Variants in TPR observed in about 807,000 individuals in gnomAD.
TPR encodes the protein translocated promoter region, nuclear basket protein.
A neutral mutation model predicts 316.1 loss-of-function variants in TPR; 51 were observed. The observed-to-expected ratio is 0.16, with a 90% CI of 0.13 to 0.20. The LOEUF (loss-of-function observed/expected upper bound fraction) is 0.20, where lower values mean the gene tolerates loss of function less well. Among genes scored for constraint, TPR ranks in the 10% least tolerant of loss-of-function variants. The pLI, the probability that TPR is intolerant of heterozygous loss-of-function variation, is 1.00. For missense variants in TPR, 2,272 were observed against 2,754.8 expected (o/e 0.82, Z 3.92); for synonymous variants, 981 against 914.7 (o/e 1.07, Z -1.31).
At chr1:186,370,867 C>T in intron 3 of TPR, 103 bp downstream of exon 3, 1 of 933,558 alleles carries the variant, frequency 1.1e-6, no homozygotes, top group Non-Finnish European at 1.7e-6. Flanking sequence ...AATAGGACAT[C>T]AGTTACATCT....
In TPR at chr1:186,311,687, T is replaced by A. The variant is rs1335333803; in HGVS notation, c.*2284A>T. The A allele has an allele frequency of 7.6e-7, 1 of 1,314,470 alleles. No individual in the cohort carries two copies. The highest frequency in any genetic ancestry group is 1.1e-6 in the Non-Finnish European group (1 of 919,880). The allele number at this position is 1,314,470 out of a possible 1,614,324, so 81.4% of individuals were successfully genotyped here. On this transcript the variant is annotated 3_prime_UTR_variant, in exon 51 of 51. Transcript: ENST00000367478. The stretch of plus-strand genomic sequence containing the variant: ...TTATTGACTTTACTGTCAAAAGATA[T>A]CTTTAATGGCTGAAATCAAATATTT...
Position 186,357,398 on chromosome 1 carries a change from T to G in TPR, c.1723A>C (p.Lys575Gln). The G allele has an allele frequency of 1.2e-6, 2 of 1,613,470 alleles. No individual in the cohort carries two copies. Among genetic ancestry groups the G allele is most frequent in the Non-Finnish European group, 1.7e-6 (2 of 1,179,758 alleles). ...AAGCTGAGGTATGTGACTACTTACT[T>G]GGATGAAGTTGTTTCTTGTTCTTCT... The part of the protein sequence containing the change: ...EREEQETTSS[K>Q]ITELQLKLES... Residue 575 changes from lysine (K) to glutamine (Q), a missense_variant and splice_region_variant, in exon 14 of 51, where the codon AAA (lysine) becomes CAA (glutamine). Lys to Gln is a moderately conservative substitution (Grantham distance 53). Transcript: ENST00000367478.
In TPR at chr1:186,373,410, C is replaced by T. The variant is rs774271854; in HGVS notation, c.205G>A (p.Val69Met). ...CTTTGACACTCTCGGGTTTCATTCA[C>T]AAGTCTCTCCTGACTGTGGGACAAC... ...KRLSHSQERL[V>M]NETRECQSLR... Residue 69 changes from valine to methionine, a missense_variant, in exon 2 of 51, where the codon GTG (valine) becomes ATG (methionine). Around this residue, in one of 10 missense-constraint regions of TPR, gnomAD observed 549 missense variants for 598.6 expected, o/e 0.92. Transcript: ENST00000367478. 1.2e-6 allele frequency: 2 copies of T among 1,613,592 alleles called. No homozygotes were observed. The highest frequency in any genetic ancestry group is 1.7e-6 in the Non-Finnish European group (2 of 1,179,750).
At chr1:186,333,752 TA>T (rs972779268) in intron 36 of TPR, among the ~76,000 whole-genome samples, 2 of 152,158 alleles carry the variant, frequency 1.3e-5, no homozygotes, top group African/African-American at 4.8e-5. Flanking sequence ...ATTAGTAATA[TA>T]TTTAGTTTAT....
chr1:186,318,329 AAAAAAAAAAC>A lies in TPR; in HGVS notation c.6821+108_6821+117del, dbSNP rs1377688438. Reference sequence around the variant, plus strand: ...GGCGACAGAGCGAGACTCTGTCTCAAAAAAAAAAACAAAAAAAAACAAAACACAACTTTGC... The same window carrying A: ...GGCGACAGAGCGAGACTCTGTCTCAAAAAAAAAAACAAAACACAACTTTGC... On this transcript the variant is annotated intron_variant, in intron 48 of 50. Transcript: ENST00000367478. 1.3e-4 allele frequency: 173 copies of A among 1,359,032 alleles called. No homozygotes were observed. In the East Asian group the frequency reaches 1.8e-3, roughly 14 times the overall value. 84.2% of individuals were successfully genotyped at this position (1,359,032 alleles called of 1,614,324 possible).
In TPR at chr1:186,347,469, TA is replaced by T. The variant is rs1217541831; in HGVS notation, c.2777-12del. The T allele has an allele frequency of 6.2e-7, 1 of 1,610,934 alleles. No individual in the cohort carries two copies. The highest frequency in any genetic ancestry group is 8.5e-7 in the Non-Finnish European group (1 of 1,178,906). On this transcript the variant is annotated splice_polypyrimidine_tract_variant and intron_variant, in intron 21 of 50. Coordinates refer to ENST00000367478, the MANE Select transcript of TPR (RefSeq NM_003292.3). ...TGTTGCTAGGCTGACCTAAAAGACA[TA>T]ACAGCTCTGTTAAAATTAACATTTT...
chr1:186,353,614 A>G, intron 18 of TPR, 74 bp downstream of exon 18: 1 of 1,528,970 alleles, frequency 6.5e-7, no homozygotes, highest in South Asian at 1.3e-5. Flanking sequence ...TCAGTGAGTA[A>G]AATTCAAAGT....
At chr1:186,320,533 C>T in intron 45 of TPR, 115 bp from the exon 46 acceptor site, 1 of 847,162 alleles carries the variant, frequency 1.2e-6, no homozygotes, top group Non-Finnish European at 1.8e-6. Context: ...GGGAAGGAAA[C>T]AGATTGAAAA....
At chr1:186,365,401 G>A (rs1339961569) in intron 4 of TPR, among the ~76,000 whole-genome samples, 1 of 152,048 alleles carries the variant, frequency 6.6e-6, no homozygotes, top group Non-Finnish European at 1.5e-5. Context: ...TGGCCAAGGG[G>A]CTGCCTTTAA....
chr1:186,370,527 T>C (rs1277253201), intron 3 of TPR, among the ~76,000 whole-genome samples: 2 of 152,054 alleles, frequency 1.3e-5, no homozygotes. Context: ...TAACACCAAA[T>C]AAAATGCAAA....
chr1:186,341,533 T>A, intron 27 of TPR, 144 bp from the exon 28 acceptor site: 1 of 857,126 alleles, frequency 1.2e-6, no homozygotes, highest in Non-Finnish European at 1.7e-6. Context: ...AAAGTTCACG[T>A]TTACTTTTCT....
Position 186,312,412 on chromosome 1 carries a change from G to A in TPR, c.*1559C>T. On this transcript the variant is annotated 3_prime_UTR_variant, in exon 51 of 51. Transcript: ENST00000367478. Reference sequence around the variant, plus strand: ...GTGTTAAAAAAATCCTTAAACATAAGTAGATGTAATACAGTTTCTTATACA... The same window carrying A: ...GTGTTAAAAAAATCCTTAAACATAAATAGATGTAATACAGTTTCTTATACA... 1 of 1,538,402 alleles carries A rather than the reference G, an allele frequency of 6.5e-7. No individual in the cohort carries two copies. The highest frequency in any genetic ancestry group is 8.9e-7 in the Non-Finnish European group (1 of 1,124,788).
Position 186,335,059 on chromosome 1 carries a change from A to G in TPR, c.4973+9T>C, listed in dbSNP as rs1185463034. On this transcript the variant is annotated intron_variant, in intron 35 of 50. Transcript: ENST00000367478. ...AAAAATAACAGACTATGAAATAACTAAAACTCACATTCCTCTTTCACCAGA... is the reference window on the plus strand; with the variant it reads ...AAAAATAACAGACTATGAAATAACTGAAACTCACATTCCTCTTTCACCAGA... The G allele has an allele frequency of 3.7e-6, 6 of 1,611,730 alleles. No individual in the cohort carries two copies. Among genetic ancestry groups the G allele is most frequent in the Non-Finnish European group, 4.2e-6 (5 of 1,179,022 alleles).
chr1:186,327,228 A>T (rs1378986893), intron 40 of TPR, among the ~76,000 whole-genome samples: 1 of 12,004 alleles, frequency 8.3e-5, no homozygotes, highest in African/African-American at 2.4e-4. Flanking sequence ...TAAATATATA[A>T]TATATATTTA....
chr1:186,347,188 TG>T, intron 22 of TPR, 103 bp downstream of exon 22: 1 of 1,244,352 alleles, frequency 8.0e-7, no homozygotes, highest in Non-Finnish European at 1.1e-6. Context: ...GCAATGACCC[TG>T]GTCTAATTCA....
In TPR at chr1:186,368,001, A is replaced by G. The variant is rs549286834; in HGVS notation, c.331-19T>C. 18 of 1,573,766 alleles carry G rather than the reference A, an allele frequency of 1.1e-5. No individual in the cohort carries two copies. Among genetic ancestry groups the G allele is most frequent in the South Asian group, 4.4e-5 (4 of 90,122 alleles). The stretch of plus-strand genomic sequence containing the variant: ...ATTGGCTCTGTCATATAAAGAAGTA[A>G]TAAGTAAGAAAATCAAGTAGAGCAA... On this transcript the variant is annotated intron_variant, in intron 3 of 50. Transcript: ENST00000367478.
rs2102060147 is a variant in TPR at position 186,327,465 on chromosome 1, G to A, written c.5884C>T (p.His1962Tyr). ...TGATTTCAAATCAAACTTACCTCAT[G>A]TTCTCCATCATTTTCATCATCATCC... ...EEDDDENDGE[H>Y]EDYEEDEEDD... Residue 1962 changes from histidine to tyrosine, a missense_variant, in exon 40 of 51, where the codon CAT becomes TAT. Coordinates refer to ENST00000367478, the MANE Select transcript of TPR (RefSeq NM_003292.3). The A allele has an allele frequency of 6.2e-7, 1 of 1,609,086 alleles. No individual in the cohort carries two copies. Among genetic ancestry groups the A allele is most frequent in the Non-Finnish European group, 8.5e-7 (1 of 1,179,188 alleles).
At position 186,357,642 on chromosome 1, in the gene TPR, T is replaced by C. The variant is rs1239165350; in HGVS notation, c.1498-19A>G. 6.2e-7 allele frequency: 1 copy of C among 1,602,380 alleles called. No homozygotes were observed. Among genetic ancestry groups the C allele is most frequent in the Admixed American group, 1.7e-5 (1 of 59,194 alleles). ...CTCTAATCTAAAAACAAAGTTTTAATATGTTATAAAATAGTATTAGTTACA... is the reference window on the plus strand; with the variant it reads ...CTCTAATCTAAAAACAAAGTTTTAACATGTTATAAAATAGTATTAGTTACA... On this transcript the variant is annotated intron_variant, in intron 13 of 50. Coordinates refer to ENST00000367478, the MANE Select transcript of TPR (RefSeq NM_003292.3).
At chr1:186,353,526 T>C (rs1186399285) in intron 18 of TPR, among the ~76,000 whole-genome samples, 162 bp downstream of exon 18, 1 of 152,178 alleles carries the variant, frequency 6.6e-6, no homozygotes, top group Non-Finnish European at 1.5e-5. Context: ...ATCACCCCAC[T>C]AACGCACACT....
Sources: allele counts gnomAD v4.1 joint callset (sites outside exome capture counted in the v4.1 genomes callset), GRCh38; gene constraint gnomAD v4.1.1; regional missense constraint gnomAD v4.1.1; transcripts MANE v1.5; gene names NCBI Gene and HGNC (gene_info 2026-07-23, HGNC 2026-07-21).